The following CRADD variants were observed in gnomAD, a reference collection of about 807,000 sequenced individuals.
CRADD encodes CARD and death domain containing adaptor protein, also known as death domain-containing protein CRADD.
A neutral mutation model predicts 15.5 loss-of-function variants in CRADD; 9 were observed. That is an observed-to-expected ratio of 0.58 (90% CI 0.35 to 1.01). CRADD has a LOEUF of 1.01. CRADD is among the 50% of genes least tolerant of loss of function. The pLI, the probability that CRADD is intolerant of heterozygous loss-of-function variation, is 0.02. For missense variants in CRADD, 227 were observed against 250.3 expected (o/e 0.91, Z 0.63); for synonymous variants, 118 against 107.6 (o/e 1.10, Z -0.60).
intron 2 of CRADD, among the ~76,000 whole-genome samples, chr12:93,758,429 A>G (rs1429494192): frequency 6.6e-6 from 1 of 152,122 alleles, no homozygotes; most frequent in Non-Finnish European, 1.5e-5. Context: ...ATGGTATACT[A>G]AGAAATATAA....
At chr12:93,753,295 A>C (rs1417468091) in intron 2 of CRADD, among the ~76,000 whole-genome samples, 3 of 152,154 alleles carry the variant, frequency 2.0e-5, no homozygotes, top group African/African-American at 7.2e-5. Flanking sequence ...CTCCCATTAC[A>C]TGTGAGGATT....
At chr12:93,707,347 T>A (rs1186017975) in intron 2 of CRADD, among the ~76,000 whole-genome samples, 1 of 152,202 alleles carries the variant, frequency 6.6e-6, no homozygotes, top group Non-Finnish European at 1.5e-5. Context: ...GGGTTAGGAA[T>A]TAAGAAAGGG....
intron 2 of CRADD, among the ~76,000 whole-genome samples, chr12:93,782,707 A>G (rs760268544): frequency 6.6e-6 from 1 of 151,950 alleles, no homozygotes; most frequent in African/African-American, 2.4e-5. Context: ...TTTTTTAAAC[A>G]GGCAAAAATA....
At chr12:93,889,866 T>C (rs1410437061) in intron 2 of CRADD, among the ~76,000 whole-genome samples, 1 of 152,152 alleles carries the variant, frequency 6.6e-6, no homozygotes, top group Non-Finnish European at 1.5e-5. Flanking sequence ...GGGCTTTGTT[T>C]TGGTTTTGTC....
At position 93,819,173 on chromosome 12, in the gene CRADD, C is replaced by T. The variant is rs759344977; in HGVS notation, c.299-30797C>T. On this transcript the variant is annotated intron_variant, in intron 2 of 2. Transcript: ENST00000332896. Reference sequence around the variant, plus strand: ...CGCCTATGAGGGCTTGCTCTGTGTGCGTACTCTTGGCAGCTTTATAAAGGA... The same window carrying T: ...CGCCTATGAGGGCTTGCTCTGTGTGTGTACTCTTGGCAGCTTTATAAAGGA... Among the ~76,000 whole-genome samples the T allele has an allele frequency of 3.9e-5, 6 of 152,188 alleles. No individual in the cohort carries two copies. In the East Asian group the frequency reaches 5.8e-4, roughly 15 times the overall value.
At chr12:93,767,969 T>C (rs1768096230) in intron 2 of CRADD, among the ~76,000 whole-genome samples, 1 of 152,238 alleles carries the variant, frequency 6.6e-6, no homozygotes, top group Non-Finnish European at 1.5e-5. Flanking sequence ...TGCAAAGAAT[T>C]AAGTATATAC....
intron 2 of CRADD, among the ~76,000 whole-genome samples, chr12:93,836,838 G>A (rs1226038981): frequency 6.6e-6 from 1 of 152,204 alleles, no homozygotes; most frequent in African/African-American, 2.4e-5. Flanking sequence ...AAGCTCCCCT[G>A]CCTGCGAGAC....
downstream of CRADD, among the ~76,000 whole-genome samples, chr12:93,855,479 C>G (rs533318217): frequency 6.3e-4 from 96 of 152,378 alleles, no homozygotes; most frequent in Non-Finnish European, 1.1e-3. Context: ...ACCAATGAGA[C>G]AGACATGAAG....
intron 2 of CRADD, among the ~76,000 whole-genome samples, chr12:93,693,497 A>G: frequency 6.6e-6 from 1 of 152,188 alleles, no homozygotes; most frequent in Non-Finnish European, 1.5e-5. Flanking sequence ...AAAGAGACAA[A>G]GAGGGTCATT....
chr12:93,847,708 G>A (rs1593042045), intron 2 of CRADD, among the ~76,000 whole-genome samples: 2 of 151,986 alleles, frequency 1.3e-5, no homozygotes, highest in South Asian at 4.1e-4. Context: ...TTAAAGAAAT[G>A]TATAACTATT....
chr12:93,730,433 T>G (rs78563350), intron 2 of CRADD, among the ~76,000 whole-genome samples: 5,703 of 152,332 alleles, frequency 0.037, 170 homozygotes, highest in South Asian at 0.066. Context: ...TGCACTCTCA[T>G]ATATTGCTGC....
intron 2 of CRADD, among the ~76,000 whole-genome samples, chr12:93,763,389 A>C (rs952858163): frequency 1.3e-5 from 2 of 152,102 alleles, no homozygotes; most frequent in East Asian, 1.9e-4. Context: ...AAATCTGCTC[A>C]AAGGAGAAGG....
chr12:93,886,931 C>T (rs995624078), intron 2 of CRADD, among the ~76,000 whole-genome samples: 3 of 152,264 alleles, frequency 2.0e-5, no homozygotes, highest in South Asian at 2.1e-4. Flanking sequence ...GCCTACCACG[C>T]GCAAGACAGA....
chr12:93,773,891 G>A (rs1369368477), intron 2 of CRADD, among the ~76,000 whole-genome samples: 2 of 142,336 alleles, frequency 1.4e-5, no homozygotes, highest in Non-Finnish European at 3.0e-5. Context: ...GGTTGTCCAG[G>A]CTCTAGTGCA....
Position 93,678,929 on chromosome 12 carries a change from G to A in CRADD, c.155G>A (p.Arg52Gln), listed in dbSNP as rs768737669. 8 of 1,613,998 alleles carry A rather than the reference G, an allele frequency of 5.0e-6. No individual in the cohort carries two copies. The highest frequency in any genetic ancestry group is 2.7e-5 in the African/African-American group (2 of 74,896). ...ATCAATGCTCAAACCACAGGCCTCC[G>A]GAAAACAATGCTCCTGCTGGATATC... ...QEINAQTTGL[R>Q]KTMLLLDILP... is the part of the protein sequence containing the mutation. The change falls in exon 2 of 3, where the codon CGG (arginine) becomes CAG (glutamine). Residue 52 changes from arginine to glutamine, a missense_variant. Physicochemically the swap from Arg to Gln is conservative, Grantham distance 43. Transcript: ENST00000332896.
At chr12:93,862,902 C>A (rs938191961) in intron 2 of CRADD, among the ~76,000 whole-genome samples, 1 of 152,098 alleles carries the variant, frequency 6.6e-6, no homozygotes, top group Non-Finnish European at 1.5e-5. Flanking sequence ...CAGTAATAAC[C>A]AAGATTTTTA....
intron 2 of CRADD, among the ~76,000 whole-genome samples, chr12:93,870,187 T>G (rs1958406416): frequency 6.6e-6 from 1 of 152,196 alleles, no homozygotes; most frequent in Non-Finnish European, 1.5e-5. Context: ...GAAAAGTATT[T>G]TTTAAAAAAT....
chr12:93,748,987 T>TTC (rs1956800876), intron 2 of CRADD, among the ~76,000 whole-genome samples: 1 of 152,256 alleles, frequency 6.6e-6, no homozygotes, highest in South Asian at 2.1e-4. Flanking sequence ...CTGGTGGTAC[T>TTC]ATAGCTCTTC....
intron 2 of CRADD, among the ~76,000 whole-genome samples, chr12:93,771,497 AC>A (rs1352088300): frequency 3.9e-5 from 6 of 152,160 alleles, no homozygotes; most frequent in African/African-American, 1.4e-4. Flanking sequence ...ACCACATATA[AC>A]CCCTTGTCAC....
Sources: allele counts gnomAD v4.1 joint callset (sites outside exome capture counted in the v4.1 genomes callset), GRCh38; gene constraint gnomAD v4.1.1; transcripts MANE v1.5; gene names NCBI Gene and HGNC (gene_info 2026-07-23, HGNC 2026-07-21).